Variants in STARD13 observed in about 807,000 individuals in gnomAD.
STARD13 encodes stAR-related lipid transfer protein 13.
Under a neutral mutation model 106.4 loss-of-function variants are expected in STARD13, and 62 were observed. The ratio of observed to expected loss-of-function variants is 0.58; its 90% CI spans 0.48 to 0.72. STARD13 has a LOEUF of 0.72. Ranked by LOEUF, STARD13 falls within the 30% of genes least tolerant of loss-of-function variation. The probability of loss-of-function intolerance (pLI) is 0.00; values close to 1 mark genes in which losing one functional copy is unlikely to be tolerated. For synonymous variants in STARD13, 565 were observed against 553.0 expected, an observed-to-expected ratio of 1.02 and a Z score of -0.31; for missense variants, 1,387 against 1,424.0, an observed-to-expected ratio of 0.97 and a Z score of 0.42.
chr13:33,415,744 G>A, the STARD13 span, among the ~76,000 whole-genome samples: 1 of 151,986 alleles, frequency 6.6e-6, no homozygotes, highest in Non-Finnish European at 1.5e-5. Context: ...TACATTCAAA[G>A]TGCCTCTGGA....
the STARD13 span, among the ~76,000 whole-genome samples, chr13:33,631,123 A>ATCAC: frequency 6.6e-6 from 1 of 152,232 alleles, no homozygotes; most frequent in East Asian, 1.9e-4. Flanking sequence ...TGTTAAATAA[A>ATCAC]TCACACAGTT....
intron 10 of STARD13, among the ~76,000 whole-genome samples, 188 bp from the exon 11 acceptor site, chr13:33,111,095 A>G (rs1036491040): frequency 1.3e-5 from 2 of 152,304 alleles, no homozygotes; most frequent in African/African-American, 2.4e-5. Flanking sequence ...AAATACAAAC[A>G]TGTTTCTGAG....
At chr13:33,450,638 C>A in the STARD13 span, among the ~76,000 whole-genome samples, 268 of 152,226 alleles carry the variant, frequency 1.8e-3, 2 homozygotes, top group African/African-American at 6.1e-3. Context: ...CCTTTAGGAT[C>A]ATAACTTTTT....
the STARD13 span, among the ~76,000 whole-genome samples, chr13:33,593,549 T>G: frequency 6.6e-6 from 1 of 152,172 alleles, no homozygotes; most frequent in African/African-American, 2.4e-5. Context: ...GAGACTCTCT[T>G]TTCTGGAATA....
chr13:33,222,062 C>T (rs4941742), intron 1 of STARD13, among the ~76,000 whole-genome samples: 91,005 of 151,756 alleles, frequency 0.6, 27,983 homozygotes, highest in African/African-American at 0.71. Context: ...GACAGGAGAA[C>T]TGCTTGAACC....
intron 1 of STARD13, among the ~76,000 whole-genome samples, chr13:33,239,500 A>G (rs999375083): frequency 1.3e-5 from 2 of 152,258 alleles, no homozygotes; most frequent in East Asian, 3.9e-4. Context: ...CATCAACAAT[A>G]CACAAGTGTT....
At chr13:33,272,770 G>T (rs1891226123) in intron 1 of STARD13, 1 of 152,226 alleles carries the variant, frequency 6.6e-6, no homozygotes, top group Non-Finnish European at 1.5e-5. Context: ...GGAAGCTACA[G>T]TGTCCAGGGC....
At chr13:33,579,929 T>C in the STARD13 span, among the ~76,000 whole-genome samples, 1 of 152,082 alleles carries the variant, frequency 6.6e-6, no homozygotes, top group Non-Finnish European at 1.5e-5. Context: ...TGTGACGATG[T>C]AGAGTAACAA....
the STARD13 span, among the ~76,000 whole-genome samples, chr13:33,536,980 T>C: frequency 2.6e-5 from 4 of 152,246 alleles, no homozygotes; most frequent in African/African-American, 7.2e-5. Context: ...CCACATTAAA[T>C]AAACTTTTTA....
chr13:33,109,741 G>A (rs542068654), intron 12 of STARD13, 132 bp downstream of exon 12: 1 of 788,562 alleles, frequency 1.3e-6, no homozygotes, highest in East Asian at 2.7e-5. Flanking sequence ...TGTCACTGAG[G>A]GAAACAAGAG....
At chr13:33,389,613 A>T in the STARD13 span, among the ~76,000 whole-genome samples, 4 of 152,188 alleles carry the variant, frequency 2.6e-5, no homozygotes, top group African/African-American at 9.7e-5. Flanking sequence ...ACCCTTAATT[A>T]ATTCACATGA....
chr13:33,476,531 A>G, the STARD13 span, among the ~76,000 whole-genome samples: 13 of 152,222 alleles, frequency 8.5e-5, no homozygotes, highest in African/African-American at 3.1e-4. Context: ...TAAATTTCCA[A>G]AACGGATATT....
At chr13:33,396,490 G>A in the STARD13 span, among the ~76,000 whole-genome samples, 3 of 152,100 alleles carry the variant, frequency 2.0e-5, no homozygotes, top group Non-Finnish European at 2.9e-5. Context: ...TTCACTCCCC[G>A]AATGGCACCT....
chr13:33,462,563 T>C, the STARD13 span, among the ~76,000 whole-genome samples: 4 of 152,020 alleles, frequency 2.6e-5, no homozygotes, highest in Non-Finnish European at 5.9e-5. Flanking sequence ...ACCTCAAAAG[T>C]AGGAAAGCCA....
At chr13:33,554,692 C>T in the STARD13 span, among the ~76,000 whole-genome samples, 1 of 151,918 alleles carries the variant, frequency 6.6e-6, no homozygotes, top group Non-Finnish European at 1.5e-5. Context: ...TTTTCATATC[C>T]ACTCAATATG....
chr13:33,353,742 C>T (rs1185296497), upstream of STARD13, among the ~76,000 whole-genome samples: 2 of 152,208 alleles, frequency 1.3e-5, no homozygotes, highest in Non-Finnish European at 2.9e-5. Context: ...TTCAAGAAGC[C>T]TTCCCTGACA....
chr13:33,426,536 T>A, the STARD13 span, among the ~76,000 whole-genome samples: 1 of 152,222 alleles, frequency 6.6e-6, no homozygotes, highest in African/African-American at 2.4e-5. Flanking sequence ...TTACTTTTTT[T>A]AAATCCAAAA....
At chr13:33,670,390 G>A in the STARD13 span, among the ~76,000 whole-genome samples, 1 of 152,172 alleles carries the variant, frequency 6.6e-6, no homozygotes, top group Non-Finnish European at 1.5e-5. Context: ...TGTCACCAAA[G>A]ATCGCGTTGC....
At chr13:33,236,996 T>A (rs1023582308) in intron 1 of STARD13, among the ~76,000 whole-genome samples, 4 of 152,220 alleles carry the variant, frequency 2.6e-5, no homozygotes, top group African/African-American at 9.7e-5. Flanking sequence ...CTTATGGAAT[T>A]ACTTTTGGTT....
Sources: allele counts gnomAD v4.1 joint callset (sites outside exome capture counted in the v4.1 genomes callset), GRCh38; gene constraint gnomAD v4.1.1; transcripts MANE v1.5; gene names NCBI Gene and HGNC (gene_info 2026-07-23, HGNC 2026-07-21).